Variants in DCHS2 observed in about 807,000 individuals in gnomAD.
DCHS2 encodes the protein dachsous cadherin-related 2, also known as protocadherin-23.
DCHS2 carries 142 observed loss-of-function variants against 182.4 expected under a neutral mutation model. The observed-to-expected ratio is 0.78, with a 90% confidence interval of 0.68 to 0.89. The LOEUF (loss-of-function observed/expected upper bound fraction) is 0.89, where lower values mean the gene tolerates loss of function less well. Among genes scored for constraint, DCHS2 ranks in the 40% least tolerant of loss-of-function variants. The pLI is 0.00. For missense variants in DCHS2, 4,319 were observed against 4,198.6 expected, an observed-to-expected ratio of 1.03 and a Z score of -0.79; for synonymous variants, 1,740 against 1,663.3, an observed-to-expected ratio of 1.05 and a Z score of -1.12.
intron 1 of DCHS2, among the ~76,000 whole-genome samples, chr4:154,390,537 C>T (rs1185411629): frequency 6.6e-6 from 1 of 152,010 alleles, no homozygotes; most frequent in East Asian, 1.9e-4. Context: ...CATGCACACA[C>T]ACACACTAGC....
intron 9 of DCHS2, 120 bp downstream of exon 9, chr4:154,320,259 T>C: frequency 2.8e-6 from 4 of 1,440,772 alleles, no homozygotes; most frequent in Non-Finnish European, 3.7e-6. Context: ...TGTGCAACAT[T>C]GAACTCACAG....
intron 5 of DCHS2, among the ~76,000 whole-genome samples, chr4:154,330,470 A>G (rs1736477278): frequency 6.6e-6 from 1 of 152,208 alleles, no homozygotes; most frequent in South Asian, 2.1e-4. Context: ...ACCCAGGCAT[A>G]ACATCTAAGT....
chr4:154,345,348 A>G (rs1729309432), intron 3 of DCHS2, among the ~76,000 whole-genome samples: 2 of 152,186 alleles, frequency 1.3e-5, no homozygotes, highest in Admixed American at 1.3e-4. Flanking sequence ...TTCTGTTACT[A>G]TAAATGTTAC....
At chr4:154,323,102 G>A in intron 7 of DCHS2, 4 of 1,269,786 alleles carry the variant, frequency 3.2e-6, no homozygotes, top group Non-Finnish European at 4.2e-6. Context: ...TTTATTTGTT[G>A]AATAAACTGG....
chr4:154,306,289 A>G (rs1561028747), intron 10 of DCHS2, among the ~76,000 whole-genome samples: 2 of 152,132 alleles, frequency 1.3e-5, no homozygotes, highest in African/African-American at 4.8e-5. Context: ...GTCTAATAAC[A>G]TAGGACCAAT....
chr4:154,322,413 T>G lies in DCHS2; in HGVS notation c.4094A>C (p.Tyr1365Ser). The change falls in exon 8 of 20, where the codon TAT (tyrosine) becomes TCT (serine). Residue 1365 changes from tyrosine (Y) to serine (S), a missense_variant. Physicochemically the swap from Tyr to Ser is moderately radical, Grantham distance 144 (BLOSUM62 -2). Coordinates refer to ENST00000357232, the MANE Select transcript of DCHS2 (RefSeq NM_001358235.2). ...GACACTCATTCTGTAGGAAGGTCTA[T>G]AATCATACGAAAGTATTGTGGTTGT... Reference protein sequence around the residue: ...IRTTTILSYDYRPSYRMSVIA... With the variant: ...IRTTTILSYDSRPSYRMSVIA... 6.2e-7 allele frequency: 1 copy of G among 1,613,782 alleles called. No individual in the cohort carries two copies. The highest frequency in any genetic ancestry group is 8.5e-7 in the Non-Finnish European group (1 of 1,179,826).
chr4:154,438,287 TG>T (rs1733864039), intron 1 of DCHS2, among the ~76,000 whole-genome samples: 1 of 152,162 alleles, frequency 6.6e-6, no homozygotes, highest in Admixed American at 6.5e-5. Flanking sequence ...GAAGGCTAAA[TG>T]TGAATCTCTA....
intron 1 of DCHS2, among the ~76,000 whole-genome samples, chr4:154,480,922 G>A (rs1004321328): frequency 6.6e-6 from 1 of 151,898 alleles, no homozygotes; most frequent in Non-Finnish European, 1.5e-5. Flanking sequence ...GCCACTGCCT[G>A]GCCTAATATT....
intron 7 of DCHS2, chr4:154,323,119 T>C (rs1736141187): frequency 4.3e-6 from 6 of 1,393,758 alleles, no homozygotes; most frequent in Non-Finnish European, 5.7e-6. Flanking sequence ...CTGGAACTTG[T>C]ATCCTGACAT....
At chr4:154,324,960 T>C (rs74923470) in intron 7 of DCHS2, among the ~76,000 whole-genome samples, 5,708 of 152,272 alleles carry the variant, frequency 0.037, 147 homozygotes, top group Non-Finnish European at 0.058. Context: ...TACTATCAGA[T>C]AAAAAATAAA....
chr4:154,282,883 A>G (rs1734214421), intron 13 of DCHS2, among the ~76,000 whole-genome samples: 1 of 152,198 alleles, frequency 6.6e-6, no homozygotes, highest in Non-Finnish European at 1.5e-5. Context: ...GTTATATGCT[A>G]CAAAATGGAT....
chr4:154,310,369 G>A (rs763544432), intron 10 of DCHS2, among the ~76,000 whole-genome samples: 1 of 152,220 alleles, frequency 6.6e-6, no homozygotes, highest in South Asian at 2.1e-4. Context: ...TGTGTCTCTT[G>A]AGAGTTTCTT....
chr4:154,444,059 G>C (rs1236010099), intron 1 of DCHS2, among the ~76,000 whole-genome samples: 1 of 151,994 alleles, frequency 6.6e-6, no homozygotes, highest in African/African-American at 2.4e-5. Context: ...CAGCCTCCTT[G>C]CTTCCTCCTT....
Position 154,265,619 on chromosome 4 carries a change from C to T in DCHS2, c.6577+4281G>A, listed in dbSNP as rs114372479. Among the ~76,000 whole-genome samples, 261 of 151,652 alleles carry T rather than the reference C, an allele frequency of 1.7e-3. 2 individuals are homozygous for T. The highest frequency in any genetic ancestry group is 6.8e-3 in the Middle Eastern group (2 of 292). ...CAAAGTGAGAACCTGTCTTTCTTTA[C>T]GAGAAAAAAAGAAGCCAGTGATCAA... On this transcript the variant is annotated intron_variant, in intron 14 of 19. Coordinates refer to ENST00000357232, the MANE Select transcript of DCHS2 (RefSeq NM_001358235.2).
At chr4:154,387,391 C>A (rs1731468729) in intron 1 of DCHS2, among the ~76,000 whole-genome samples, 1 of 145,022 alleles carries the variant, frequency 6.9e-6, no homozygotes, top group African/African-American at 2.6e-5. Context: ...AAAGCAAGAC[C>A]TGAAACAGAT....
chr4:154,370,629 A>C (rs1449208171), intron 2 of DCHS2, among the ~76,000 whole-genome samples: 1 of 152,182 alleles, frequency 6.6e-6, no homozygotes, highest in Non-Finnish European at 1.5e-5. Flanking sequence ...TTTGCTTTTG[A>C]TGCAAGCAGG....
chr4:154,337,854 C>CCT (rs1728888669), intron 3 of DCHS2, among the ~76,000 whole-genome samples: 1 of 152,082 alleles, frequency 6.6e-6, no homozygotes, highest in Non-Finnish European at 1.5e-5. Context: ...GATTCTTCTG[C>CCT]CTCAGCCTCC....
intron 3 of DCHS2, among the ~76,000 whole-genome samples, chr4:154,362,574 G>A (rs1374489575): frequency 6.6e-6 from 1 of 152,140 alleles, no homozygotes; most frequent in Non-Finnish European, 1.5e-5. Flanking sequence ...ATATCCAGAA[G>A]AGGAAGACTA....
chr4:154,247,635 CAAAAAAAAAAAAAAAAAAAA>C (rs67157369), intron 16 of DCHS2, among the ~76,000 whole-genome samples: 7 of 100,108 alleles, frequency 7.0e-5, no homozygotes, highest in Non-Finnish European at 6.0e-5. Context: ...GACTCCGTCT[CAAAAAAAAAAAAAAAAAAAA>C]AAAAAAAAAA....
Sources: allele counts gnomAD v4.1 joint callset (sites outside exome capture counted in the v4.1 genomes callset), GRCh38; gene constraint gnomAD v4.1.1; transcripts MANE v1.5; gene names NCBI Gene and HGNC (gene_info 2026-07-23, HGNC 2026-07-21).